The following GRM1 variants were observed in gnomAD, a reference collection of about 807,000 sequenced individuals.
GRM1 encodes the protein metabotropic glutamate receptor 1.
GRM1 carries 33 observed loss-of-function variants against 90.9 expected under a neutral mutation model. The observed-to-expected ratio is 0.36, with a 90% CI of 0.28 to 0.49. GRM1 has a LOEUF of 0.49. Among genes scored for constraint, GRM1 ranks in the 20% least tolerant of loss-of-function variants. The pLI is 0.99. For missense variants in GRM1, 1,190 were observed against 1,534.3 expected, an observed-to-expected ratio of 0.78 and a Z score of 3.75; for synonymous variants, 700 against 613.2, an observed-to-expected ratio of 1.14 and a Z score of -2.09.
intron 1 of GRM1, among the ~76,000 whole-genome samples, chr6:146,114,564 T>C (rs1159441354): frequency 2.6e-5 from 4 of 152,184 alleles, no homozygotes; most frequent in Non-Finnish European, 4.4e-5. Flanking sequence ...CACTCAGTTG[T>C]ATATTATGAG....
At chr6:146,273,267 C>T (rs1782236018) in intron 2 of GRM1, among the ~76,000 whole-genome samples, 1 of 151,954 alleles carries the variant, frequency 6.6e-6, no homozygotes, top group East Asian at 1.9e-4. Context: ...TAGGGGCTTC[C>T]TTGGTTTAAG....
At chr6:146,109,103 G>T (rs1775440833) in intron 1 of GRM1, among the ~76,000 whole-genome samples, 1 of 152,188 alleles carries the variant, frequency 6.6e-6, no homozygotes, top group Non-Finnish European at 1.5e-5. Flanking sequence ...TTTCTGAGGA[G>T]AAATTCAAGC....
At chr6:146,090,304 A>G (rs12194437) in intron 1 of GRM1, among the ~76,000 whole-genome samples, 56,443 of 151,942 alleles carry the variant, frequency 0.37, 11,195 homozygotes, top group Middle Eastern at 0.52. Context: ...CTCTTGTTGT[A>G]TTTCAAAACA....
At chr6:146,125,332 T>C (rs1051700320) in intron 1 of GRM1, among the ~76,000 whole-genome samples, 2 of 152,170 alleles carry the variant, frequency 1.3e-5, no homozygotes, top group Non-Finnish European at 2.9e-5. Flanking sequence ...TTTTCTCTGC[T>C]TTCTTGTCAT....
At chr6:146,213,091 G>A (rs945005375) in intron 2 of GRM1, among the ~76,000 whole-genome samples, 1 of 152,086 alleles carries the variant, frequency 6.6e-6, no homozygotes, top group Admixed American at 6.5e-5. Flanking sequence ...GGGCACCAGC[G>A]AATTTCTAAT....
At chr6:146,077,118 T>A (rs774394776) in intron 1 of GRM1, among the ~76,000 whole-genome samples, 1 of 152,214 alleles carries the variant, frequency 6.6e-6, no homozygotes, top group Non-Finnish European at 1.5e-5. Context: ...TTAAATTTGT[T>A]ATGGATTTTG....
At chr6:146,107,188 A>T (rs1775338331) in intron 1 of GRM1, among the ~76,000 whole-genome samples, 1 of 152,194 alleles carries the variant, frequency 6.6e-6, no homozygotes, top group African/African-American at 2.4e-5. Flanking sequence ...TGCATTTAGC[A>T]CATTCTTGAA....
intron 1 of GRM1, among the ~76,000 whole-genome samples, chr6:146,082,998 AT>A (rs1310714241): frequency 6.6e-6 from 1 of 152,092 alleles, no homozygotes; most frequent in Non-Finnish European, 1.5e-5. Context: ...CTTTGTAGCA[AT>A]TGTGAATGGG....
intron 2 of GRM1, among the ~76,000 whole-genome samples, chr6:146,207,871 T>C (rs1779546808): frequency 6.6e-6 from 1 of 152,198 alleles, no homozygotes; most frequent in South Asian, 2.1e-4. Flanking sequence ...ATATTTTCCC[T>C]GAAGAGTTGT....
intron 1 of GRM1, among the ~76,000 whole-genome samples, chr6:146,102,885 T>C (rs1777097579): frequency 6.6e-6 from 1 of 152,218 alleles, no homozygotes; most frequent in Non-Finnish European, 1.5e-5. Flanking sequence ...ATTTTTGCAA[T>C]TTCTTTTTCA....
At chr6:146,422,585 A>C (rs956280681) in intron 7 of GRM1, among the ~76,000 whole-genome samples, 8 of 152,208 alleles carry the variant, frequency 5.3e-5, no homozygotes, top group African/African-American at 1.4e-4. Flanking sequence ...TTGAGTCTGA[A>C]AGAAGTGATC....
chr6:146,043,258 A>C (rs1453160095), intron 1 of GRM1, among the ~76,000 whole-genome samples: 2 of 152,010 alleles, frequency 1.3e-5, no homozygotes, highest in Non-Finnish European at 2.9e-5. Flanking sequence ...GATGCATTCC[A>C]TTGTGTTTCA....
intron 4 of GRM1, among the ~76,000 whole-genome samples, chr6:146,353,415 G>T (rs952845221): frequency 8.5e-5 from 13 of 152,180 alleles, no homozygotes; most frequent in Admixed American, 8.5e-4. Context: ...CTGTGTTCAA[G>T]TGGAACATCA....
chr6:146,141,874 A>G (rs1211604218), intron 1 of GRM1, among the ~76,000 whole-genome samples: 1 of 152,188 alleles, frequency 6.6e-6, no homozygotes, highest in Non-Finnish European at 1.5e-5. Context: ...CTGTCTCTCC[A>G]GGACTGGTTC....
At chr6:146,369,733 C>A (rs529690665) in intron 5 of GRM1, among the ~76,000 whole-genome samples, 1 of 151,972 alleles carries the variant, frequency 6.6e-6, no homozygotes, top group Non-Finnish European at 1.5e-5. Flanking sequence ...TATTTTGTCA[C>A]CCAATGTATG....
intron 2 of GRM1, among the ~76,000 whole-genome samples, chr6:146,267,294 G>A (rs1176332168): frequency 1.3e-5 from 2 of 152,096 alleles, no homozygotes; most frequent in African/African-American, 4.8e-5. Flanking sequence ...TCATTGATGG[G>A]CATTTAGGTT....
chr6:146,418,052 T>C (rs946579115), intron 7 of GRM1, among the ~76,000 whole-genome samples: 1 of 152,160 alleles, frequency 6.6e-6, no homozygotes, highest in Non-Finnish European at 1.5e-5. Context: ...AGTTAAATAA[T>C]GTATTTACAA....
intron 1 of GRM1, among the ~76,000 whole-genome samples, chr6:146,118,140 C>CTTTTTTTTT (rs67033918): frequency 1.3e-3 from 146 of 115,410 alleles, no homozygotes; most frequent in East Asian, 1.5e-3. Flanking sequence ...TTCTTCTTTT[C>CTTTTTTTTT]TTTTTTTTTT....
chr6:146,368,206 T>C (rs1433267111), intron 5 of GRM1, among the ~76,000 whole-genome samples: 6 of 147,880 alleles, frequency 4.1e-5, no homozygotes, highest in Admixed American at 1.3e-4. Flanking sequence ...TGTATGTTGA[T>C]GTTGCATCCT....
Sources: gnomAD v4.1 joint callset for allele counts (sites outside exome capture counted in the v4.1 genomes callset) on GRCh38, gnomAD v4.1.1 for gene constraint, MANE v1.5 for transcripts, NCBI Gene and HGNC (gene_info 2026-07-23, HGNC 2026-07-21) for gene names.